The following WDR7 variants were observed in gnomAD, a reference collection of about 807,000 sequenced individuals.
WDR7 encodes the protein WD repeat domain 7.
A neutral mutation model predicts 169.4 loss-of-function variants in WDR7; 46 were observed. The ratio of observed to expected loss-of-function variants is 0.27; its 90% CI spans 0.21 to 0.35. The LOEUF (loss-of-function observed/expected upper bound fraction) is 0.35. WDR7 is among the 10% of genes least tolerant of loss of function. The pLI is 1.00. For synonymous variants in WDR7, 612 were observed against 666.8 expected, an observed-to-expected ratio of 0.92 and a Z score of 1.27; for missense variants, 1,534 against 1,859.3, an observed-to-expected ratio of 0.83 and a Z score of 3.22.
intron 16 of WDR7, among the ~76,000 whole-genome samples, chr18:56,772,857 G>A (rs988097309): frequency 1.7e-4 from 26 of 151,930 alleles, no homozygotes; most frequent in Non-Finnish European, 2.5e-4. Flanking sequence ...TTTAGATTTG[G>A]TAAAGCAAGA....
At chr18:56,918,836 A>G (rs960209430) in intron 21 of WDR7, among the ~76,000 whole-genome samples, 4 of 152,240 alleles carry the variant, frequency 2.6e-5, no homozygotes, top group Non-Finnish European at 5.9e-5. Flanking sequence ...AGCAACAATT[A>G]TATATTAAGT....
At chr18:56,703,725 C>G (rs2025886273) in intron 12 of WDR7, among the ~76,000 whole-genome samples, 1 of 151,444 alleles carries the variant, frequency 6.6e-6, no homozygotes, top group Non-Finnish European at 1.5e-5. Context: ...ATATTTGTCA[C>G]TAAGAATATT....
chr18:56,673,257 G>T (rs1369032026), intron 2 of WDR7, among the ~76,000 whole-genome samples: 2 of 151,720 alleles, frequency 1.3e-5, no homozygotes, highest in East Asian at 3.9e-4. Flanking sequence ...TTCCATATTT[G>T]TAACTCCTTT....
chr18:56,901,812 G>A (rs1269754166), intron 21 of WDR7, among the ~76,000 whole-genome samples: 1 of 152,084 alleles, frequency 6.6e-6, no homozygotes, highest in African/African-American at 2.4e-5. Flanking sequence ...CAACCTAGTT[G>A]CATTGTATGT....
chr18:56,657,360 G>A (rs78794882), intron 1 of WDR7, among the ~76,000 whole-genome samples: 53 of 152,130 alleles, frequency 3.5e-4, no homozygotes, highest in South Asian at 1.7e-3. Flanking sequence ...GTTTCACCAG[G>A]TTGGTCTCAA....
At chr18:56,868,653 A>G (rs2045913178) in intron 20 of WDR7, among the ~76,000 whole-genome samples, 2 of 152,182 alleles carry the variant, frequency 1.3e-5, no homozygotes, top group Admixed American at 6.5e-5. Flanking sequence ...GTATGAGAAA[A>G]TATCTGAGAA....
chr18:56,971,258 G>A (rs530714436), intron 26 of WDR7, among the ~76,000 whole-genome samples: 5 of 144,852 alleles, frequency 3.5e-5, no homozygotes, highest in African/African-American at 7.7e-5. Context: ...CAGCCTGAGC[G>A]ACAAGAGCGA....
intron 13 of WDR7, among the ~76,000 whole-genome samples, chr18:56,722,712 T>G (rs1375461867): frequency 6.6e-6 from 1 of 152,166 alleles, no homozygotes; most frequent in Non-Finnish European, 1.5e-5. Context: ...AGGAAGGGGT[T>G]GTTAGAGTGG....
At chr18:56,685,223 T>G (rs954162872) in intron 5 of WDR7, among the ~76,000 whole-genome samples, 1 of 152,240 alleles carries the variant, frequency 6.6e-6, no homozygotes, top group Non-Finnish European at 1.5e-5. Context: ...CCTTGGCGTG[T>G]CTTAATTTTT....
intron 25 of WDR7, among the ~76,000 whole-genome samples, chr18:56,943,877 A>C (rs1158117621): frequency 2.0e-5 from 3 of 151,868 alleles, no homozygotes; most frequent in South Asian, 4.1e-4. Context: ...CATTATATAT[A>C]GAATGCTGAA....
intron 22 of WDR7, among the ~76,000 whole-genome samples, chr18:56,934,281 C>A (rs75297333): frequency 0.016 from 2,378 of 152,254 alleles, 56 homozygotes; most frequent in African/African-American, 0.052. Flanking sequence ...ATTTCTTTCA[C>A]TGAATTTGCA....
Position 56,756,831 on chromosome 18 carries a change from G to A in WDR7, c.2238G>A (p.Val746=). The change falls in exon 15 of 28, where the codon GTG becomes GTA. Residue 746 remains valine (V), a synonymous_variant. Transcript: ENST00000254442. ...GAGCAGCAGTTCTCTTCCAACAAGT[G>A]AAAGAAACGATCAAAGAGAACATCA... ...GKRAAVLFQQ[V]KETIKENIKE... is the part of the protein sequence containing the mutation. 1 of 1,614,038 alleles carries A rather than the reference G, an allele frequency of 6.2e-7. No individual in the cohort carries two copies. Among genetic ancestry groups the A allele is most frequent in the Admixed American group, 1.7e-5 (1 of 59,988 alleles).
chr18:56,834,953 T>C (rs2045373227), intron 20 of WDR7, among the ~76,000 whole-genome samples: 1 of 152,228 alleles, frequency 6.6e-6, no homozygotes, highest in Non-Finnish European at 1.5e-5. Context: ...ACAAGCCTTC[T>C]GTGTTGTCTG....
chr18:56,888,451 A>G (rs1370691779), intron 21 of WDR7, among the ~76,000 whole-genome samples: 1 of 152,220 alleles, frequency 6.6e-6, no homozygotes, highest in Non-Finnish European at 1.5e-5. Context: ...CTTTTGGTCC[A>G]AATAGTCTTC....
chr18:56,769,966 T>A (rs979387645), intron 16 of WDR7, among the ~76,000 whole-genome samples: 22 of 152,162 alleles, frequency 1.4e-4, no homozygotes, highest in Non-Finnish European at 2.8e-4. Context: ...CTGTGGAAGC[T>A]CAAAGGGTAG....
intron 1 of WDR7, among the ~76,000 whole-genome samples, chr18:56,652,137 G>T (rs1458929821): frequency 6.6e-6 from 1 of 152,136 alleles, no homozygotes; most frequent in East Asian, 1.9e-4. Context: ...AGCTATGTTT[G>T]AAGTCAGCAC....
At chr18:56,849,358 C>G (rs570292787) in intron 20 of WDR7, among the ~76,000 whole-genome samples, 1 of 152,264 alleles carries the variant, frequency 6.6e-6, no homozygotes, top group Admixed American at 6.5e-5. Context: ...CTTATTCCTC[C>G]TCTGTTTCTT....
At chr18:57,014,880 TA>T (rs1291947173) in intron 26 of WDR7, among the ~76,000 whole-genome samples, 2 of 151,752 alleles carry the variant, frequency 1.3e-5, no homozygotes, top group Non-Finnish European at 2.9e-5. Flanking sequence ...CAAAATTAAG[TA>T]AAAGAGGGGG....
intron 14 of WDR7, among the ~76,000 whole-genome samples, chr18:56,751,623 C>T (rs1308322039): frequency 6.6e-6 from 1 of 152,060 alleles, no homozygotes; most frequent in African/African-American, 2.4e-5. Context: ...CATAACCAGC[C>T]GTAATACCTA....
Sources: allele counts gnomAD v4.1 joint callset (sites outside exome capture counted in the v4.1 genomes callset), GRCh38; gene constraint gnomAD v4.1.1; transcripts MANE v1.5; gene names NCBI Gene and HGNC (gene_info 2026-07-23, HGNC 2026-07-21).